Variants in SHANK2 observed in about 807,000 individuals in gnomAD.
SHANK2 encodes the protein SH3 and multiple ankyrin repeat domains protein 2.
SHANK2 carries 43 observed loss-of-function variants against 133.7 expected under a neutral mutation model. The observed-to-expected ratio is 0.32, with a 90% CI of 0.25 to 0.41. SHANK2 has a LOEUF of 0.41. SHANK2 is among the 10% of genes least tolerant of loss of function. The probability of loss-of-function intolerance (pLI) is 1.00; values close to 1 mark genes in which losing one functional copy is unlikely to be tolerated. For synonymous variants in SHANK2, 1,017 were observed against 952.8 expected (o/e 1.07, Z -1.24); for missense variants, 1,994 against 2,235.8 (o/e 0.89, Z 2.18).
intron 9 of SHANK2, among the ~76,000 whole-genome samples, chr11:71,059,109 C>T (rs1283580910): frequency 1.3e-5 from 2 of 152,058 alleles, no homozygotes; most frequent in Non-Finnish European, 2.9e-5. Flanking sequence ...CCCAGCTACT[C>T]GGGAGGCTGA....
chr11:70,820,411 G>A lies in SHANK2; in HGVS notation c.1446C>T (p.Gly482=), dbSNP rs782008478. The A allele has an allele frequency of 2.3e-5, 16 of 695,300 alleles. No homozygotes were observed. The highest frequency in any genetic ancestry group is 1.1e-4 in the South Asian group (7 of 65,296). The allele number at this position is 695,300 out of a possible 1,614,324, so 43.1% of individuals were successfully genotyped here. ...RSRSPSLNRL[G]GAGEDGKRPQ... ...GCCTCTTGCCGTCCTCGCCTGCGCC[G>A]CCCAGCCTGTTGAGCGATGGGGACC... The change falls in exon 12 of 26, where the codon GGC becomes GGT. Residue 482 remains glycine (G), a synonymous_variant. Transcript: ENST00000601538.
chr11:71,148,530 TGGG>T (rs1345399643), intron 2 of SHANK2, among the ~76,000 whole-genome samples: 4 of 152,150 alleles, frequency 2.6e-5, no homozygotes, highest in Non-Finnish European at 4.4e-5. Context: ...TGGCAGGGAC[TGGG>T]GGAGGAGGGG....
At chr11:70,793,133 C>G (rs938503929) in intron 14 of SHANK2, among the ~76,000 whole-genome samples, 1 of 152,116 alleles carries the variant, frequency 6.6e-6, no homozygotes, top group African/African-American at 2.4e-5. Context: ...TTTTAAAAAC[C>G]CTTCTACTCA....
chr11:71,072,533 T>C (rs899422842), intron 9 of SHANK2, among the ~76,000 whole-genome samples: 10 of 152,208 alleles, frequency 6.6e-5, no homozygotes, highest in Non-Finnish European at 1.0e-4. Context: ...GTTCCACTTG[T>C]GGGCATTTTT....
chr11:70,496,224 TTCC>T, intron 21 of SHANK2, among the ~76,000 whole-genome samples: 1 of 152,298 alleles, frequency 6.6e-6, no homozygotes, highest in African/African-American at 2.4e-5. Context: ...CATAACAGCT[TTCC>T]TGGGATTACA....
chr11:71,229,252 C>T (rs1954696031), intron 1 of SHANK2, among the ~76,000 whole-genome samples: 1 of 152,046 alleles, frequency 6.6e-6, no homozygotes, highest in Admixed American at 6.6e-5. Context: ...AAAAAACAAA[C>T]AAACAAAGAT....
intron 14 of SHANK2, among the ~76,000 whole-genome samples, chr11:70,753,268 C>G (rs1375003951): frequency 1.3e-5 from 2 of 150,208 alleles, no homozygotes; most frequent in African/African-American, 4.9e-5. Context: ...TCTCAGCAAT[C>G]AACAACAGAG....
At chr11:71,184,870 G>T (rs1258031802) in intron 2 of SHANK2, among the ~76,000 whole-genome samples, 3 of 152,092 alleles carry the variant, frequency 2.0e-5, no homozygotes, top group Non-Finnish European at 4.4e-5. Flanking sequence ...ACTGCCCAGA[G>T]GCCACCACTA....
intron 6 of SHANK2, among the ~76,000 whole-genome samples, chr11:71,097,948 GTGTC>G (rs781798026): frequency 6.6e-6 from 1 of 151,760 alleles, no homozygotes; most frequent in Non-Finnish European, 1.5e-5. Flanking sequence ...GCACGCCTGT[GTGTC>G]TGTGCATGCC....
chr11:70,907,330 G>A (rs1229814825), intron 10 of SHANK2, among the ~76,000 whole-genome samples: 3 of 152,152 alleles, frequency 2.0e-5, no homozygotes, highest in African/African-American at 2.4e-5. Context: ...CCCTCCCATG[G>A]CTGAGTGAAG....
At chr11:70,731,838 G>A (rs1322576176) in intron 14 of SHANK2, among the ~76,000 whole-genome samples, 3 of 152,324 alleles carry the variant, frequency 2.0e-5, no homozygotes, top group South Asian at 2.1e-4. Context: ...ACGCTGCGAG[G>A]TGGAACGGCT....
At chr11:70,491,258 A>G (rs781948700) in intron 22 of SHANK2, among the ~76,000 whole-genome samples, 1 of 152,230 alleles carries the variant, frequency 6.6e-6, no homozygotes, top group Non-Finnish European at 1.5e-5. Context: ...CCATGTGTCC[A>G]CAGCCTCTGT....
At chr11:70,853,919 A>G (rs1949129569) in intron 11 of SHANK2, among the ~76,000 whole-genome samples, 1 of 152,094 alleles carries the variant, frequency 6.6e-6, no homozygotes, top group African/African-American at 2.4e-5. Context: ...TTCTTCTTAT[A>G]AAGACATCAG....
At chr11:71,229,819 A>G (rs1468856810) in intron 1 of SHANK2, among the ~76,000 whole-genome samples, 1 of 152,140 alleles carries the variant, frequency 6.6e-6, no homozygotes, top group Non-Finnish European at 1.5e-5. Flanking sequence ...TAAACCTAAC[A>G]ATACATATTC....
intron 8 of SHANK2, among the ~76,000 whole-genome samples, chr11:71,084,876 G>A (rs1331953828): frequency 1.3e-5 from 2 of 152,188 alleles, no homozygotes; most frequent in Non-Finnish European, 2.9e-5. Context: ...GCAATGAGAA[G>A]TAACCAGCTC....
intron 14 of SHANK2, among the ~76,000 whole-genome samples, chr11:70,783,960 C>T (rs932411504): frequency 1.3e-5 from 2 of 152,168 alleles, no homozygotes; most frequent in Non-Finnish European, 2.9e-5. Context: ...CTGTGTGAGC[C>T]TTGGAGGTGA....
At chr11:70,581,111 G>A (rs528110528) in intron 17 of SHANK2, among the ~76,000 whole-genome samples, 12 of 152,330 alleles carry the variant, frequency 7.9e-5, no homozygotes, top group Non-Finnish European at 1.3e-4. Flanking sequence ...TTAAGGTTCA[G>A]GGCACTCCCT....
chr11:70,614,840 CT>C lies in SHANK2; in HGVS notation c.2061+44987del, dbSNP rs1292551762. On this transcript the variant is annotated intron_variant, in intron 17 of 25. Transcript: ENST00000601538. ...CTCAACACAGGGCTGCAGGCCTCCC[CT>C]CCCCACTAACTTAACAACACGGGAG... Among the ~76,000 whole-genome samples, 3 of 152,228 alleles carry C rather than the reference CT, an allele frequency of 2.0e-5. No homozygotes were observed. The East Asian group carries it at 5.8e-4, about 29-fold the overall frequency.
intron 11 of SHANK2, among the ~76,000 whole-genome samples, chr11:70,857,422 C>T (rs1264019781): frequency 6.6e-6 from 1 of 152,194 alleles, no homozygotes; most frequent in African/African-American, 2.4e-5. Flanking sequence ...AGGCTAAGCC[C>T]TCCCAGGCTG....
Sources: allele counts gnomAD v4.1 joint callset (sites outside exome capture counted in the v4.1 genomes callset), GRCh38; gene constraint gnomAD v4.1.1; transcripts MANE v1.5; gene names NCBI Gene and HGNC (gene_info 2026-07-23, HGNC 2026-07-21).